The following CHN1 variants were observed in gnomAD, a reference collection of about 807,000 sequenced individuals.
CHN1 encodes chimerin 1, also known as N-chimaerin.
Under a neutral mutation model 59.5 loss-of-function variants are expected in CHN1, and 37 were observed. That is an observed-to-expected ratio of 0.62 (90% CI 0.48 to 0.82). CHN1 has a LOEUF of 0.82. CHN1 is among the 40% of genes least tolerant of loss of function. CHN1 has a pLI of 0.00. For synonymous variants in CHN1, 206 were observed against 200.4 expected (o/e 1.03, Z -0.24); for missense variants, 469 against 571.0 (o/e 0.82, Z 1.82).
intron 5 of CHN1, among the ~76,000 whole-genome samples, chr2:174,892,480 C>T (rs573110554): frequency 1.3e-4 from 20 of 152,272 alleles, no homozygotes; most frequent in East Asian, 5.8e-4. Flanking sequence ...GTGCTAACAC[C>T]GTGGTCTTGG....
chr2:174,984,649 G>A (rs1691280238), intron 1 of CHN1, among the ~76,000 whole-genome samples: 1 of 152,194 alleles, frequency 6.6e-6, no homozygotes, highest in Non-Finnish European at 1.5e-5. Context: ...TTACAGGCGT[G>A]AGCCACTGTG....
chr2:174,896,957 TA>T (rs1688234960), intron 5 of CHN1, among the ~76,000 whole-genome samples: 1 of 152,144 alleles, frequency 6.6e-6, no homozygotes. Context: ...ATCATATATA[TA>T]AATTTAGTGA....
At chr2:174,974,109 A>G (rs1156658181) in intron 1 of CHN1, among the ~76,000 whole-genome samples, 1 of 152,230 alleles carries the variant, frequency 6.6e-6, no homozygotes, top group Non-Finnish European at 1.5e-5. Context: ...AATGCCAAAC[A>G]TACTTCACAT....
chr2:174,936,908 C>T (rs187509298), intron 3 of CHN1, among the ~76,000 whole-genome samples: 23 of 152,222 alleles, frequency 1.5e-4, no homozygotes, highest in Non-Finnish European at 3.1e-4. Context: ...TGGTCATCTT[C>T]TTCCTTTAAG....
intron 7 of CHN1, among the ~76,000 whole-genome samples, chr2:174,843,699 GAAAA>G (rs201535934): frequency 7.7e-6 from 1 of 130,306 alleles, no homozygotes; most frequent in African/African-American, 2.8e-5. Context: ...TATAGATTCA[GAAAA>G]AAAAAAAAAC....
intron 12 of CHN1, among the ~76,000 whole-genome samples, chr2:174,800,727 C>G (rs541568579): frequency 8.1e-6 from 1 of 123,116 alleles, no homozygotes; most frequent in Non-Finnish European, 1.7e-5. Flanking sequence ...AGAACAGCAG[C>G]GACAGTAATA....
intron 5 of CHN1, among the ~76,000 whole-genome samples, chr2:174,901,753 T>C (rs1688394617): frequency 6.6e-6 from 1 of 152,198 alleles, no homozygotes; most frequent in African/African-American, 2.4e-5. Flanking sequence ...CATGAGATTA[T>C]AGGTAATATT....
intron 6 of CHN1, among the ~76,000 whole-genome samples, chr2:174,872,036 C>G (rs1452298166): frequency 6.6e-6 from 1 of 152,136 alleles, no homozygotes; most frequent in Non-Finnish European, 1.5e-5. Flanking sequence ...AATCCCAGCA[C>G]TTCAGGAGGC....
chr2:174,970,086 C>T (rs2105436799), intron 1 of CHN1, among the ~76,000 whole-genome samples: 1 of 152,248 alleles, frequency 6.6e-6, no homozygotes, highest in Admixed American at 6.5e-5. Flanking sequence ...AATCGTTTAA[C>T]CTAAGAAAGC....
chr2:174,867,203 A>G (rs1285757374), intron 6 of CHN1, among the ~76,000 whole-genome samples: 1 of 151,864 alleles, frequency 6.6e-6, no homozygotes, highest in Non-Finnish European at 1.5e-5. Flanking sequence ...GTGAAACTCT[A>G]TCTTTACTAA....
At chr2:174,948,667 C>G (rs1221996133) in intron 2 of CHN1, among the ~76,000 whole-genome samples, 2 of 152,198 alleles carry the variant, frequency 1.3e-5, no homozygotes, top group Admixed American at 6.5e-5. Context: ...ACAAAACACA[C>G]TAACATGTAG....
At chr2:174,981,023 T>C (rs1691130691) in intron 1 of CHN1, among the ~76,000 whole-genome samples, 1 of 152,200 alleles carries the variant, frequency 6.6e-6, no homozygotes, top group Non-Finnish European at 1.5e-5. Context: ...CACCAAATTT[T>C]GCACTGTGGA....
intron 4 of CHN1, among the ~76,000 whole-genome samples, chr2:174,917,693 C>T (rs2105372921): frequency 6.6e-6 from 1 of 152,190 alleles, no homozygotes; most frequent in Middle Eastern, 3.4e-3. Context: ...TTTGAAATCA[C>T]CCTTTCCTCA....
chr2:174,807,453 TG>T (rs1684926988), intron 11 of CHN1, among the ~76,000 whole-genome samples: 3 of 49,924 alleles, frequency 6.0e-5, no homozygotes, highest in African/African-American at 2.9e-4. Context: ...TATCTGTGTG[TG>T]TGTGTGTGTG....
At chr2:174,930,441 G>A (rs1321799363) in intron 3 of CHN1, among the ~76,000 whole-genome samples, 5 of 152,170 alleles carry the variant, frequency 3.3e-5, no homozygotes, top group Admixed American at 6.5e-5. Flanking sequence ...GGTGTTACCG[G>A]TGGGCTTACA....
chr2:174,950,304 T>C (rs1342470315), intron 2 of CHN1, among the ~76,000 whole-genome samples: 2 of 151,842 alleles, frequency 1.3e-5, no homozygotes, highest in Non-Finnish European at 2.9e-5. Context: ...TTCACTGTTG[T>C]TGTCCAGGCT....
chr2:174,987,440 C>G (rs1268488431), intron 1 of CHN1, among the ~76,000 whole-genome samples: 1 of 149,656 alleles, frequency 6.7e-6, no homozygotes, highest in Non-Finnish European at 1.5e-5. Context: ...CAGAGTATAG[C>G]TCTGTCACCC....
At chr2:174,825,905 T>C (rs1293112744) in intron 7 of CHN1, among the ~76,000 whole-genome samples, 1 of 152,228 alleles carries the variant, frequency 6.6e-6, no homozygotes, top group Admixed American at 6.5e-5. Context: ...AAGCCATTGG[T>C]TGTCTGACAA....
At chr2:174,922,924 C>T (rs185313129) in intron 3 of CHN1, among the ~76,000 whole-genome samples, 74 of 152,088 alleles carry the variant, frequency 4.9e-4, no homozygotes, top group Non-Finnish European at 9.0e-4. Flanking sequence ...AAAGCACATA[C>T]ACACGTAATA....
Sources: gnomAD v4.1 joint callset for allele counts (sites outside exome capture counted in the v4.1 genomes callset) on GRCh38, gnomAD v4.1.1 for gene constraint, MANE v1.5 for transcripts, NCBI Gene and HGNC (gene_info 2026-07-23, HGNC 2026-07-21) for gene names.